PHLPP1: variants seen among roughly 807,000 people sequenced by gnomAD.
PHLPP1 encodes the protein PH domain and leucine rich repeat protein phosphatase 1.
In PHLPP1, 42 loss-of-function variants were observed where a neutral mutation model predicts 117.2. The ratio of observed to expected loss-of-function variants is 0.36; its 90% confidence interval spans 0.28 to 0.46. The LOEUF (loss-of-function observed/expected upper bound fraction) is 0.46, where lower values mean the gene tolerates loss of function less well. PHLPP1 is among the 20% of genes least tolerant of loss of function. PHLPP1 has a pLI of 1.00. For missense variants in PHLPP1, 2,084 were observed against 2,241.9 expected, an observed-to-expected ratio of 0.93 and a Z score of 1.42; for synonymous variants, 1,042 against 970.7, an observed-to-expected ratio of 1.07 and a Z score of -1.37.
Position 62,881,464 on chromosome 18 carries a change from C to T in PHLPP1, c.2067-13547C>T, listed in dbSNP as rs113405956. On this transcript the variant is annotated intron_variant, in intron 4 of 16. Coordinates refer to ENST00000262719, the MANE Select transcript of PHLPP1 (RefSeq NM_194449.4). Reference sequence around the variant, plus strand: ...CAGTTCTTAAAAAAATTATAAAATTCTTTCATGACTGTAAATTTTAATTTT... The same window carrying T: ...CAGTTCTTAAAAAAATTATAAAATTTTTTCATGACTGTAAATTTTAATTTT... Among the ~76,000 whole-genome samples, 1,027 of 152,180 alleles carry T rather than the reference C, an allele frequency of 6.7e-3. 17 individuals are homozygous for T. The highest frequency in any genetic ancestry group is 0.024 in the African/African-American group (982 of 41,532).
intron 1 of PHLPP1, among the ~76,000 whole-genome samples, chr18:62,771,264 G>A (rs1912765438): frequency 6.6e-6 from 1 of 151,148 alleles, no homozygotes; most frequent in Non-Finnish European, 1.5e-5. Context: ...AGCCATCCAT[G>A]TGGATCATCT....
intron 1 of PHLPP1, among the ~76,000 whole-genome samples, chr18:62,782,153 C>T (rs1028706558): frequency 9.2e-5 from 14 of 152,226 alleles, no homozygotes; most frequent in South Asian, 6.2e-4. Flanking sequence ...GCAAACACTT[C>T]GCTGCCTATT....
chr18:62,803,270 A>G (rs1913838664), intron 1 of PHLPP1, among the ~76,000 whole-genome samples: 1 of 152,164 alleles, frequency 6.6e-6, no homozygotes, highest in Admixed American at 6.5e-5. Flanking sequence ...TTATTAGAAT[A>G]TAACATACAT....
intron 1 of PHLPP1, among the ~76,000 whole-genome samples, chr18:62,780,125 G>A (rs1431557009): frequency 6.6e-6 from 1 of 152,174 alleles, no homozygotes; most frequent in East Asian, 1.9e-4. Context: ...TGCGTATGTG[G>A]TATATATGAT....
At chr18:62,924,370 G>A (rs916155276) in intron 10 of PHLPP1, among the ~76,000 whole-genome samples, 71 of 151,992 alleles carry the variant, frequency 4.7e-4, no homozygotes, top group African/African-American at 1.7e-3. Flanking sequence ...TCAGTGGTTC[G>A]TGTTCTGAAG....
At chr18:62,841,505 T>C (rs920998042) in intron 3 of PHLPP1, among the ~76,000 whole-genome samples, 1 of 151,778 alleles carries the variant, frequency 6.6e-6, no homozygotes, top group African/African-American at 2.4e-5. Flanking sequence ...GCTAATTTTT[T>C]GTGTTTTTAG....
intron 1 of PHLPP1, among the ~76,000 whole-genome samples, chr18:62,803,325 G>A (rs2144302830): frequency 6.6e-6 from 1 of 152,186 alleles, no homozygotes; most frequent in Non-Finnish European, 1.5e-5. Flanking sequence ...TTACTACTGA[G>A]CTCAAAATAC....
chr18:62,816,068 T>C (rs1914264386), intron 1 of PHLPP1, among the ~76,000 whole-genome samples: 1 of 152,222 alleles, frequency 6.6e-6, no homozygotes, highest in African/African-American at 2.4e-5. Context: ...TGTTGAATGT[T>C]GAGGAGGGTT....
chr18:62,757,395 G>A, intron 1 of PHLPP1, among the ~76,000 whole-genome samples: 1 of 152,206 alleles, frequency 6.6e-6, no homozygotes, highest in East Asian at 1.9e-4. Flanking sequence ...GTCCTTCTGT[G>A]TTTCAAATAA....
At chr18:62,738,593 C>T (rs1373174625) in intron 1 of PHLPP1, among the ~76,000 whole-genome samples, 1 of 152,064 alleles carries the variant, frequency 6.6e-6, no homozygotes, top group African/African-American at 2.4e-5. Flanking sequence ...GGTCCTGGAA[C>T]CAGTACCACT....
At chr18:62,871,279 C>T in intron 4 of PHLPP1, among the ~76,000 whole-genome samples, 1 of 152,226 alleles carries the variant, frequency 6.6e-6, no homozygotes, top group South Asian at 2.1e-4. Flanking sequence ...GGTGTTTGAA[C>T]ATTTTACTGC....
At chr18:62,729,673 T>TA (rs1194180854) in intron 1 of PHLPP1, among the ~76,000 whole-genome samples, 72 of 145,420 alleles carry the variant, frequency 5.0e-4, no homozygotes, top group African/African-American at 6.5e-4. Context: ...AGACTTCGTC[T>TA]AAAAAAAAAA....
chr18:62,948,054 G>GA (rs1910350507), intron 12 of PHLPP1, among the ~76,000 whole-genome samples: 3 of 151,850 alleles, frequency 2.0e-5, no homozygotes, highest in Non-Finnish European at 4.4e-5. Context: ...AATACAAATA[G>GA]AAATTCAGGC....
rs1910696667 is a variant in PHLPP1, at chr18:62,715,712, A to G, written c.29A>G (p.Gln10Arg). 7.9e-7 allele frequency: 1 copy of G among 1,261,358 alleles called. No individual in the cohort carries two copies. The allele number at this position is 1,261,358 out of a possible 1,614,324, so 78.1% of individuals were successfully genotyped here. The change falls in exon 1 of 17, where the codon CAG becomes CGG. Residue 10 changes from glutamine (Q) to arginine (R), a missense_variant. This residue lies in a region of PHLPP1 where 719 missense variants were observed against 636.0 expected (regional missense o/e 1.13). Transcript: ENST00000262719. MEPAAAATV[Q>R]RLPELGREDR... ...GAGCCCGCCGCCGCGGCCACGGTAC[A>G]GCGACTCCCCGAGCTCGGCAGGGAG...
intron 1 of PHLPP1, among the ~76,000 whole-genome samples, chr18:62,793,880 A>T (rs1355858728): frequency 1.3e-5 from 2 of 152,346 alleles, no homozygotes; most frequent in East Asian, 3.9e-4. Context: ...TCAGCCTGCC[A>T]GTTGGGTCTT....
chr18:62,840,852 A>G (rs1915030732), intron 3 of PHLPP1, among the ~76,000 whole-genome samples: 1 of 152,238 alleles, frequency 6.6e-6, no homozygotes. Context: ...ATAAGAAACC[A>G]TCATTAGTAC....
intron 4 of PHLPP1, among the ~76,000 whole-genome samples, chr18:62,867,958 C>T (rs907793276): frequency 6.6e-6 from 1 of 151,786 alleles, no homozygotes; most frequent in Non-Finnish European, 1.5e-5. Flanking sequence ...ATTACAGGCG[C>T]CCACCACCAC....
At chr18:62,788,565 GT>G (rs71160869) in intron 1 of PHLPP1, among the ~76,000 whole-genome samples, 307 of 150,564 alleles carry the variant, frequency 2.0e-3, no homozygotes, top group African/African-American at 7.3e-3. Flanking sequence ...GGGTTTTTTT[GT>G]TTTTTTTTGT....
At chr18:62,823,705 A>G (rs911743010) in intron 1 of PHLPP1, among the ~76,000 whole-genome samples, 8 of 151,988 alleles carry the variant, frequency 5.3e-5, no homozygotes, top group African/African-American at 1.7e-4. Flanking sequence ...AAAATTGAAC[A>G]CAGGATTTGA....
Sources: gnomAD v4.1 joint callset for allele counts (sites outside exome capture counted in the v4.1 genomes callset) on GRCh38, gnomAD v4.1.1 for gene constraint, gnomAD v4.1.1 regional missense constraint, MANE v1.5 for transcripts, NCBI Gene and HGNC (gene_info 2026-07-23, HGNC 2026-07-21) for gene names.